ADGRA2: variants seen among roughly 807,000 people sequenced by gnomAD.
ADGRA2 encodes adhesion G protein-coupled receptor A2, also known as G-protein coupled receptor 124.
In ADGRA2, 61 loss-of-function variants were observed where a neutral mutation model predicts 98.7. The observed-to-expected ratio is 0.62, with a 90% CI of 0.50 to 0.76. The LOEUF (loss-of-function observed/expected upper bound fraction) is 0.76. Among genes scored for constraint, ADGRA2 ranks in the 30% least tolerant of loss-of-function variants. The pLI is 0.00. For missense variants in ADGRA2, 1,712 were observed against 1,860.0 expected (o/e 0.92, Z 1.46); for synonymous variants, 858 against 831.5 (o/e 1.03, Z -0.55).
intron 2 of ADGRA2, among the ~76,000 whole-genome samples, chr8:37,822,971 A>G (rs1805168562): frequency 6.7e-6 from 1 of 150,094 alleles, no homozygotes; most frequent in Non-Finnish European, 1.5e-5. Flanking sequence ...GGCTTGCTAC[A>G]ACCTCCTCCT....
chr8:37,815,532 G>A (rs1437219182), intron 2 of ADGRA2, among the ~76,000 whole-genome samples: 2 of 152,220 alleles, frequency 1.3e-5, no homozygotes, highest in Admixed American at 6.5e-5. Flanking sequence ...GGCGTTCCCC[G>A]CTAGCCGGCT....
chr8:37,797,566 G>A lies in ADGRA2; in HGVS notation c.266+32G>A. 7.5e-7 allele frequency: 1 copy of A among 1,333,562 alleles called. No individual in the cohort carries two copies. The highest frequency in any genetic ancestry group is 9.7e-7 in the Non-Finnish European group (1 of 1,034,784). The allele number at this position is 1,333,562 out of a possible 1,614,324, so 82.6% of individuals were successfully genotyped here. On this transcript the variant is annotated intron_variant, in intron 1 of 18. Coordinates refer to ENST00000412232, the MANE Select transcript of ADGRA2 (RefSeq NM_032777.10). This position sits in a 1 kb window ranked among gnomAD's most constrained non-coding sequence, Gnocchi z 5.3. ...ACCCTACCAGGCCAGTTCCGTCCGA[G>A]CCGGGACTGGGGACGAAGGGAGGCG... is the stretch of plus-strand genomic sequence containing the variant.
intron 2 of ADGRA2, among the ~76,000 whole-genome samples, chr8:37,815,876 G>A (rs1804964282): frequency 6.6e-6 from 1 of 152,226 alleles, no homozygotes; most frequent in East Asian, 1.9e-4. Context: ...AGGAAGCCTG[G>A]GCCTCCCACC....
At chr8:37,833,545 C>T (rs1312471029) in intron 9 of ADGRA2, 143 bp from the exon 10 acceptor site, 4 of 816,426 alleles carry the variant, frequency 4.9e-6, no homozygotes, top group Non-Finnish European at 5.9e-6. Context: ...CTCCTCTGCC[C>T]TCCTAGCTTG....
At position 37,839,642 on chromosome 8, in the gene ADGRA2, C is replaced by T. The variant is rs146004068; in HGVS notation, c.2511+20C>T. On this transcript the variant is annotated intron_variant, in intron 16 of 18. Transcript: ENST00000412232. Reference sequence around the variant, plus strand: ...CAGGCGGTAAGCAGGAGAAGGGGCTCTGGGGGTGGTGCTCCGAGATGAGTG... The same window carrying T: ...CAGGCGGTAAGCAGGAGAAGGGGCTTTGGGGGTGGTGCTCCGAGATGAGTG... The T allele has an allele frequency of 2.1e-4, 331 of 1,612,666 alleles. No homozygotes were observed. The African/African-American group carries it at 3.7e-3, about 18-fold the overall frequency.
chr8:37,816,927 A>C lies in ADGRA2; in HGVS notation c.338+1960A>C, dbSNP rs957899225. Among the ~76,000 whole-genome samples, 112 of 131,992 alleles carry C rather than the reference A, an allele frequency of 8.5e-4. 1 individual carries two copies. Among genetic ancestry groups the C allele is most frequent in the African/African-American group, 3.0e-3 (107 of 35,230 alleles). The allele number at this position is 131,992 out of a possible 152,430, so 86.6% of individuals were successfully genotyped here. On this transcript the variant is annotated intron_variant, in intron 2 of 18. Transcript: ENST00000412232. The stretch of plus-strand genomic sequence containing the variant: ...CAAGACTGTCTCAAAAAGAAAGCAA[A>C]ACACACACACACACACACACACACA...
Position 37,833,769 on chromosome 8 carries a change from A to C in ADGRA2, c.1378A>C (p.Met460Leu). ...YTAEAASFSD[M>L]MDVVYVAQMI... is the part of the protein sequence containing the mutation. Reference sequence around the variant, plus strand: ...AGCCGAGGCCGCTAGCTTTTCAGACATGATGGATGTAGTCTATGTGGCTCA... The same window carrying C: ...AGCCGAGGCCGCTAGCTTTTCAGACCTGATGGATGTAGTCTATGTGGCTCA... Residue 460 changes from methionine (M) to leucine (L), a missense_variant, in exon 10 of 19, where the codon ATG becomes CTG. Met to Leu is a conservative substitution (Grantham distance 15). Transcript: ENST00000412232. 6.2e-7 allele frequency: 1 copy of C among 1,614,174 alleles called. No individual in the cohort carries two copies. Among genetic ancestry groups the C allele is most frequent in the Non-Finnish European group, 8.5e-7 (1 of 1,180,020 alleles).
Position 37,833,968 on chromosome 8 carries a change from T to A in ADGRA2, c.1448T>A (p.Leu483Gln), listed in dbSNP as rs746300329. Residue 483 changes from leucine to glutamine, a missense_variant and splice_region_variant, in exon 11 of 19, where the codon CTG (leucine) becomes CAG (glutamine). Coordinates refer to ENST00000412232, the MANE Select transcript of ADGRA2 (RefSeq NM_032777.10). The part of the protein sequence containing the change: ...FLGYVDQIKE[L>Q]VEVMVDMASN... ...TCAGCAACTTCCCTGTCCCCCCAGC[T>A]GGTAGAGGTGATGGTGGACATGGCC... 1.2e-6 allele frequency: 2 copies of A among 1,611,458 alleles called. No individual in the cohort carries two copies. Among genetic ancestry groups the A allele is most frequent in the South Asian group, 2.2e-5 (2 of 90,938 alleles).
At position 37,841,129 on chromosome 8, in the gene ADGRA2, C is replaced by A. The variant is rs1242316929; in HGVS notation, c.2791C>A (p.Pro931Thr). The change falls in exon 19 of 19, where the codon CCT becomes ACT. Residue 931 changes from proline to threonine, a missense_variant. Pro to Thr is a conservative substitution (Grantham distance 38, BLOSUM62 -1). Coordinates refer to ENST00000412232, the MANE Select transcript of ADGRA2 (RefSeq NM_032777.10). The surrounding 1 kb of genome is among the most constrained non-coding windows in gnomAD (Gnocchi z 5.0). ...TCCAAGCCTTGGCGCCTTCTACATC[C>A]CTGTGGCTTTGATTCTGCTCATCAC... ...WRPSLGAFYIPVALILLITWI... is the reference protein window; with the variant it reads ...WRPSLGAFYITVALILLITWI... The A allele has an allele frequency of 4.3e-6, 7 of 1,610,512 alleles. No individual in the cohort carries two copies.
chr8:37,801,901 C>A (rs1469662265), intron 1 of ADGRA2, among the ~76,000 whole-genome samples: 1 of 152,338 alleles, frequency 6.6e-6, no homozygotes, highest in South Asian at 2.1e-4. Context: ...GGATCTGAGC[C>A]CTTTTGACCT....
At chr8:37,828,372 A>G (rs1261452987) in intron 2 of ADGRA2, among the ~76,000 whole-genome samples, 2 of 151,718 alleles carry the variant, frequency 1.3e-5, no homozygotes, top group East Asian at 1.9e-4. Context: ...ATGTTGTCTG[A>G]GGCCCTTGTG....
At chr8:37,818,519 G>A (rs1482138320) in intron 2 of ADGRA2, among the ~76,000 whole-genome samples, 1 of 152,270 alleles carries the variant, frequency 6.6e-6, no homozygotes, top group African/African-American at 2.4e-5. Flanking sequence ...GCAGCATCTG[G>A]CTTGATGCCG....
intron 2 of ADGRA2, among the ~76,000 whole-genome samples, chr8:37,818,679 G>A (rs1046020174): frequency 6.6e-6 from 1 of 152,266 alleles, no homozygotes; most frequent in Non-Finnish European, 1.5e-5. Context: ...TTGGGAGTGA[G>A]CACAGGAGAT....
intron 9 of ADGRA2, 127 bp from the exon 10 acceptor site, chr8:37,833,561 A>G: frequency 1.1e-6 from 1 of 947,766 alleles, no homozygotes; most frequent in South Asian, 1.6e-5. Context: ...GCTTGATGAG[A>G]CCCAGAAGGT....
rs1223782803 is a variant in ADGRA2, at chr8:37,841,423, T to C, written c.3085T>C (p.Tyr1029His). The change falls in exon 19 of 19, where the codon TAC becomes CAC. Residue 1029 changes from tyrosine to histidine, a missense_variant. Tyr to His is a moderately conservative substitution (Grantham distance 83). Transcript: ENST00000412232. The surrounding 1 kb of genome is among the most constrained non-coding windows in gnomAD (Gnocchi z 5.0). ...GGCGCTGGTGACCACGCACTTCCTG[T>C]ACTTGGCCATGTGGGCCTGCGGGGC... ...LGALVTTHFL[Y>H]LAMWACGALA... 2 of 1,613,056 alleles carry C rather than the reference T, an allele frequency of 1.2e-6. No individual in the cohort carries two copies. Among genetic ancestry groups the C allele is most frequent in the Non-Finnish European group, 1.7e-6 (2 of 1,179,886 alleles).
chr8:37,799,534 G>C (rs1804437315), intron 1 of ADGRA2, among the ~76,000 whole-genome samples: 1 of 152,152 alleles, frequency 6.6e-6, no homozygotes, highest in South Asian at 2.1e-4. Context: ...AGTGGGGGAG[G>C]CGGTAGATAG....
intron 10 of ADGRA2, 53 bp from the exon 11 acceptor site, chr8:37,833,914 C>T: frequency 6.2e-7 from 1 of 1,604,208 alleles, no homozygotes; most frequent in South Asian, 1.1e-5. Context: ...CTCACTCCAG[C>T]TCCTGGGTCC....
chr8:37,802,014 A>C lies in ADGRA2; in HGVS notation c.266+4480A>C, dbSNP rs765077041. Among the ~76,000 whole-genome samples, 50 of 152,216 alleles carry C rather than the reference A, an allele frequency of 3.3e-4. No homozygotes were observed. Among genetic ancestry groups the C allele is most frequent in the Non-Finnish European group, 6.0e-4 (41 of 68,032 alleles). ...CCCATTCAGGGAAGCGGGGGTGCCC[A>C]CCACGCAGGCTGCCCACCTAGGGGA... On this transcript the variant is annotated intron_variant, in intron 1 of 18. Coordinates refer to ENST00000412232, the MANE Select transcript of ADGRA2 (RefSeq NM_032777.10). The surrounding 1 kb of genome is among the most constrained non-coding windows in gnomAD (Gnocchi z 4.7).
intron 2 of ADGRA2, among the ~76,000 whole-genome samples, chr8:37,828,281 C>T (rs926538862): frequency 6.6e-6 from 1 of 152,148 alleles, no homozygotes; most frequent in Admixed American, 6.5e-5. Flanking sequence ...CCCAGGGCAA[C>T]CCCAGCGACC....
Sources: allele counts gnomAD v4.1 joint callset (sites outside exome capture counted in the v4.1 genomes callset), GRCh38; gene constraint gnomAD v4.1.1; non-coding constraint Gnocchi (gnomAD v3.1); transcripts MANE v1.5; gene names NCBI Gene and HGNC (gene_info 2026-07-23, HGNC 2026-07-21).